The following ATXN3 variants were observed in gnomAD, a reference collection of about 807,000 sequenced individuals.
The protein encoded by ATXN3 is ataxin 3, also known as ataxin-3.
Under a neutral mutation model 58.2 loss-of-function variants are expected in ATXN3, and 28 were observed. The ratio of observed to expected loss-of-function variants is 0.48; its 90% confidence interval spans 0.36 to 0.66. ATXN3 has a LOEUF of 0.66. Ranked by LOEUF, ATXN3 falls within the 30% of genes least tolerant of loss-of-function variation. The probability of loss-of-function intolerance (pLI) is 0.00; values close to 1 mark genes in which losing one functional copy is unlikely to be tolerated. For missense variants in ATXN3, 321 were observed against 422.1 expected, an observed-to-expected ratio of 0.76 and a Z score of 2.10; for synonymous variants, 113 against 138.5, an observed-to-expected ratio of 0.82 and a Z score of 1.29.
chr14:92,055,093 G>C (rs575413304), downstream of ATXN3, among the ~76,000 whole-genome samples: 24 of 152,262 alleles, frequency 1.6e-4, no homozygotes, highest in African/African-American at 5.5e-4. The surrounding 1 kb of genome is among the most constrained non-coding windows in gnomAD (Gnocchi z 4.5). Flanking sequence ...TGTTGGTCAG[G>C]CTGGTCTCAA....
At chr14:92,099,960 AAAAG>A (rs1358541094) in intron 1 of ATXN3, among the ~76,000 whole-genome samples, 18 of 152,116 alleles carry the variant, frequency 1.2e-4, no homozygotes, top group African/African-American at 3.1e-4. Context: ...GGAAGGAAGA[AAAAG>A]AAAGAAAGAA....
In ATXN3 at chr14:92,100,298, T is replaced by C. The variant is rs549720329; in HGVS notation, c.25-3460A>G. ...AATGTAAACAACAGCAATGCAAACA[T>C]ACATTCATCAAAAGACATGTATAAG... On this transcript the variant is annotated intron_variant, in intron 1 of 10. Coordinates refer to ENST00000644486, the MANE Select transcript of ATXN3 (RefSeq NM_004993.6). Among the ~76,000 whole-genome samples the C allele has an allele frequency of 2.2e-4, 33 of 152,292 alleles. No individual in the cohort carries two copies. In the South Asian group the frequency reaches 6.6e-3, roughly 31 times the overall value.
chr14:92,071,152 G>GA (rs2059384204), intron 9 of ATXN3, 99 bp from the exon 10 acceptor site: 1 of 1,472,856 alleles, frequency 6.8e-7, no homozygotes. Flanking sequence ...ATTGTTTCAC[G>GA]AATCAAAGTA....
At chr14:92,071,273 A>T (rs935128294) in intron 9 of ATXN3, 1 of 795,996 alleles carries the variant, frequency 1.3e-6, no homozygotes, top group South Asian at 1.5e-5. Flanking sequence ...TTATCAGACA[A>T]ATTAAGAGGT....
At chr14:92,086,883 G>T (rs1595817980) in intron 6 of ATXN3, among the ~76,000 whole-genome samples, 1 of 152,132 alleles carries the variant, frequency 6.6e-6, no homozygotes, top group Non-Finnish European at 1.5e-5. Flanking sequence ...ATCTTGAGTA[G>T]GTGAGAAGAG....
chr14:92,076,939 C>CAA (rs1157708694), intron 9 of ATXN3, among the ~76,000 whole-genome samples: 14 of 59,732 alleles, frequency 2.3e-4, no homozygotes, highest in East Asian at 5.4e-4. Context: ...GATTTCGTCT[C>CAA]AAAAAAAAAA....
At chr14:92,081,465 C>CAAAAAAAAAAAAAAAAA (rs58398762) in intron 8 of ATXN3, among the ~76,000 whole-genome samples, 72 of 82,806 alleles carry the variant, frequency 8.7e-4, no homozygotes, top group Non-Finnish European at 1.2e-3. Flanking sequence ...GACTCTGACT[C>CAAAAAAAAAAAAAAAAA]AAAAAAAAAA....
chr14:92,091,867 A>C (rs199528136), intron 5 of ATXN3, among the ~76,000 whole-genome samples: 3 of 146,812 alleles, frequency 2.0e-5, no homozygotes. Flanking sequence ...TTTTTCTTTC[A>C]TTTTTTTTTT....
chr14:92,052,673 T>C (rs888590102), upstream of ATXN3, among the ~76,000 whole-genome samples: 4 of 152,114 alleles, frequency 2.6e-5, no homozygotes, highest in Non-Finnish European at 2.9e-5. Context: ...TTTACCACTT[T>C]TGTGCACACC....
rs1007003833 is a variant in ATXN3 at position 92,060,525 on chromosome 14, C to T, written c.*3795G>A. The T allele has an allele frequency of 6.8e-6, 1 of 147,808 alleles. No individual in the cohort carries two copies. The highest frequency in any genetic ancestry group is 1.5e-5 in the Non-Finnish European group (1 of 66,764). 9.2% of individuals were successfully genotyped at this position (147,808 alleles called of 1,614,324 possible). A position where few individuals can be genotyped will look rare whatever the true frequency, so the allele number is the denominator to read the frequency against. ...TCGCCCACCTCAGCCTCCAGAACTG[C>T]TGGGATTACAGGCGTGAGCCACTGC... On this transcript the variant is annotated 3_prime_UTR_variant, in exon 11 of 11. Coordinates refer to ENST00000644486, the MANE Select transcript of ATXN3 (RefSeq NM_004993.6).
Position 92,081,071 on chromosome 14 carries a change from A to G in ATXN3, c.776-10T>C. On this transcript the variant is annotated splice_polypyrimidine_tract_variant and intron_variant, in intron 8 of 10. Transcript: ENST00000644486. ...ATGTTTCTGGAACTACCTGAAAACA[A>G]AACACAACACAACAAAAACCAATCA... 1 of 1,546,736 alleles carries G rather than the reference A, an allele frequency of 6.5e-7. No individual in the cohort carries two copies. The highest frequency in any genetic ancestry group is 8.9e-7 in the Non-Finnish European group (1 of 1,120,134).
chr14:92,096,056 T>C (rs1041455572), intron 3 of ATXN3, 37 bp downstream of exon 3: 2 of 1,492,878 alleles, frequency 1.3e-6, no homozygotes, highest in Non-Finnish European at 1.9e-6. Flanking sequence ...GTGCCTGGGA[T>C]GTAAGCAACA....
chr14:92,090,862 G>A (rs776707067), intron 5 of ATXN3, among the ~76,000 whole-genome samples: 10 of 151,334 alleles, frequency 6.6e-5, no homozygotes, highest in African/African-American at 1.7e-4. Context: ...AAACCCAGAG[G>A]TTAAATAATC....
intron 9 of ATXN3, among the ~76,000 whole-genome samples, chr14:92,074,012 CAAAAA>C (rs554711538): frequency 0.011 from 846 of 74,764 alleles, 2 homozygotes; most frequent in African/African-American, 0.024. Context: ...GACTCCACCT[CAAAAA>C]AAAAAAAAAA....
chr14:92,080,707 T>C (rs562463618), intron 9 of ATXN3: 3 of 408,678 alleles, frequency 7.3e-6, no homozygotes, highest in Admixed American at 3.2e-5. Flanking sequence ...CTGATTCTTT[T>C]GTATTTTTAG....
chr14:92,102,024 A>T (rs964587961), intron 1 of ATXN3, among the ~76,000 whole-genome samples: 1 of 151,410 alleles, frequency 6.6e-6, no homozygotes, highest in African/African-American at 2.4e-5. Flanking sequence ...ATGGTGGCAC[A>T]TGCCTATAGT....
intron 1 of ATXN3, among the ~76,000 whole-genome samples, chr14:92,100,627 T>C (rs2057416408): frequency 1.3e-5 from 2 of 152,138 alleles, no homozygotes; most frequent in Non-Finnish European, 2.9e-5. Flanking sequence ...CGAAAGGGTA[T>C]ATACACTGTA....
At chr14:92,085,280 G>C (rs538033752) in intron 6 of ATXN3, among the ~76,000 whole-genome samples, 3 of 151,590 alleles carry the variant, frequency 2.0e-5, no homozygotes, top group Non-Finnish European at 4.4e-5. Context: ...TCTGCCTCCC[G>C]GGTTCAAGTG....
At chr14:92,092,401 G>C (rs1595888034) in intron 5 of ATXN3, among the ~76,000 whole-genome samples, 1 of 152,128 alleles carries the variant, frequency 6.6e-6, no homozygotes, top group South Asian at 2.1e-4. Flanking sequence ...AAAATAGCTT[G>C]CTCAAGACAT....
Sources: gnomAD v4.1 joint callset for allele counts (sites outside exome capture counted in the v4.1 genomes callset) on GRCh38, gnomAD v4.1.1 for gene constraint, Gnocchi (gnomAD v3.1) non-coding constraint, MANE v1.5 for transcripts, NCBI Gene and HGNC (gene_info 2026-07-23, HGNC 2026-07-21) for gene names.